CBLIF: variants seen among roughly 807,000 people sequenced by gnomAD.
CBLIF encodes the protein gastric intrinsic factor (vitamin B synthesis).
Under a neutral mutation model 44.9 loss-of-function variants are expected in CBLIF, and 24 were observed. That is an observed-to-expected ratio of 0.53 (90% CI 0.39 to 0.75). CBLIF has a LOEUF of 0.75. CBLIF is among the 30% of genes least tolerant of loss of function. The pLI, the probability that CBLIF is intolerant of heterozygous loss-of-function variation, is 0.00. For synonymous variants in CBLIF, 183 were observed against 190.9 expected (o/e 0.96, Z 0.34); for missense variants, 481 against 513.0 (o/e 0.94, Z 0.60).
At chr11:59,830,337 T>C (rs182805863) in intron 8 of CBLIF, among the ~76,000 whole-genome samples, 74 of 150,580 alleles carry the variant, frequency 4.9e-4, no homozygotes, top group Admixed American at 1.3e-3. Context: ...CCTGGGTTCA[T>C]GCCATTCACC....
Position 59,839,453 on chromosome 11 carries a change from T to C in CBLIF, c.693+1690A>G, listed in dbSNP as rs1407514186. Among the ~76,000 whole-genome samples, 3 of 152,234 alleles carry C rather than the reference T, an allele frequency of 2.0e-5. No individual in the cohort carries two copies. The East Asian group carries it at 5.8e-4, about 29-fold the overall frequency. On this transcript the variant is annotated intron_variant, in intron 5 of 8. Transcript: ENST00000257248. ...TTTATTTAACCTAATTGCAACCTTA[T>C]TATTATGGGGAAAATAAAATCTGGG...
Position 59,845,486 on chromosome 11 carries a change from G to C in CBLIF, c.-33C>G, listed in dbSNP as rs1223613160. The C allele has an allele frequency of 1.5e-6, 2 of 1,372,248 alleles. No individual in the cohort carries two copies. The highest frequency in any genetic ancestry group is 2.1e-6 in the Non-Finnish European group (2 of 960,172). 85.0% of individuals were successfully genotyped at this position (1,372,248 alleles called of 1,614,324 possible). A position where few individuals can be genotyped will look rare whatever the true frequency, so the allele number is the denominator to read the frequency against. On this transcript the variant is annotated 5_prime_UTR_variant, in exon 1 of 9. Transcript: ENST00000257248. ...TCTCGTCTATGTCTCTCATCCACAG[G>C]TACCGCGATTTGCAAGTGGAATATT... is the stretch of plus-strand genomic sequence containing the variant.
chr11:59,838,261 G>T (rs144082061), intron 5 of CBLIF, among the ~76,000 whole-genome samples: 188 of 152,214 alleles, frequency 1.2e-3, no homozygotes, highest in African/African-American at 3.8e-3. Flanking sequence ...ATTTTGCTGC[G>T]TTATCTATCG....
intron 5 of CBLIF, among the ~76,000 whole-genome samples, chr11:59,838,573 C>T (rs1409628278): frequency 6.6e-6 from 1 of 152,136 alleles, no homozygotes. Context: ...CAGGGACAAC[C>T]ATCACTGAAC....
At chr11:59,831,437 T>C (rs1866372248) in intron 8 of CBLIF, 1 of 186,218 alleles carries the variant, frequency 5.4e-6, no homozygotes, top group African/African-American at 2.3e-5. Flanking sequence ...GTGAAAAGTA[T>C]TATCGCTGCC....
rs1376877711 is a variant in CBLIF at position 59,835,962 on chromosome 11, T to G, written c.919A>C (p.Thr307Pro). 6.2e-7 allele frequency: 1 copy of G among 1,614,090 alleles called. No homozygotes were observed. The highest frequency in any genetic ancestry group is 1.1e-5 in the South Asian group (1 of 91,078). ...ATGACAGTGATGTTAGATGCAGAGG[T>G]GGGGCCAGGGCCAGGGTTGCTGGGT... ...TLPSNPGPGP[T>P]SASNITVIYT... is the part of the protein sequence containing the mutation. The change falls in exon 7 of 9, where the codon ACC (threonine) becomes CCC (proline). Residue 307 changes from threonine to proline, a missense_variant. Coordinates refer to ENST00000257248, the MANE Select transcript of CBLIF (RefSeq NM_005142.3).
Position 59,842,519 on chromosome 11 carries a change from C to G in CBLIF, c.435G>C (p.Lys145Asn). ...PSLAILALCQKNSEATLPIAV... is the reference protein window; with the variant it reads ...PSLAILALCQNNSEATLPIAV... Reference sequence around the variant, plus strand: ...CTATCGGCAAGGTCGCCTCAGAGTTCTTCTGGCACAGTGCCAAGATCGCTA... The same window carrying G: ...CTATCGGCAAGGTCGCCTCAGAGTTGTTCTGGCACAGTGCCAAGATCGCTA... Residue 145 changes from lysine to asparagine, a missense_variant, in exon 4 of 9, where the codon AAG (lysine) becomes AAC (asparagine). By Grantham distance (94) the Lys-to-Asn change is moderately conservative (BLOSUM62 0). Coordinates refer to ENST00000257248, the MANE Select transcript of CBLIF (RefSeq NM_005142.3). 1 of 1,607,220 alleles carries G rather than the reference C, an allele frequency of 6.2e-7. No individual in the cohort carries two copies. The highest frequency in any genetic ancestry group is 8.5e-7 in the Non-Finnish European group (1 of 1,173,834).
chr11:59,840,463 C>A (rs1866508931), intron 5 of CBLIF, among the ~76,000 whole-genome samples: 1 of 152,150 alleles, frequency 6.6e-6, no homozygotes, highest in Non-Finnish European at 1.5e-5. Context: ...GTGCATCTGT[C>A]TTCTATGGAG....
rs769669334 is a variant in CBLIF at position 59,831,798 on chromosome 11, TA to T, written c.1074-3del. ...CAAGATGTCATTGTGGTTTCAAATC[TA>T]AAAAAAAGTTTATATATGATTAACA... On this transcript the variant is annotated splice_polypyrimidine_tract_variant and splice_region_variant and intron_variant, in intron 7 of 8. Coordinates refer to ENST00000257248, the MANE Select transcript of CBLIF (RefSeq NM_005142.3). 94 of 1,450,552 alleles carry T rather than the reference TA, an allele frequency of 6.5e-5. No homozygotes were observed. Among genetic ancestry groups the T allele is most frequent in the Non-Finnish European group, 8.8e-5 (91 of 1,031,120 alleles). 89.9% of individuals were successfully genotyped at this position (1,450,552 alleles called of 1,614,324 possible). A position where few individuals can be genotyped will look rare whatever the true frequency, so the allele number is the denominator to read the frequency against.
rs1217612334 is a variant in CBLIF, at chr11:59,838,848, C to CTT, written c.694-1499_694-1498dup. 6.4e-4 allele frequency among the ~76,000 whole-genome samples: 84 copies of CTT among 130,524 alleles called. 1 individual carries two copies. The highest frequency in any genetic ancestry group is 1.0e-3 in the Admixed American group (13 of 12,680). 85.6% of individuals were successfully genotyped at this position (130,524 alleles called of 152,430 possible). Reference sequence around the variant, plus strand: ...AGTTCTCTTTTTCTTTTCTTTCTTTCTTTTTTTTTTTTTTTTTTGAGATGG... The same window carrying CTT: ...AGTTCTCTTTTTCTTTTCTTTCTTTCTTTTTTTTTTTTTTTTTTTTGAGATGG... On this transcript the variant is annotated intron_variant, in intron 5 of 8. Transcript: ENST00000257248.
intron 7 of CBLIF, 68 bp downstream of exon 7, chr11:59,835,740 G>T: frequency 7.9e-7 from 1 of 1,258,780 alleles, no homozygotes; most frequent in Non-Finnish European, 1.2e-6. Flanking sequence ...TAGGAAAACA[G>T]GATGGATAAA....
chr11:59,830,325 C>T (rs916947860), intron 8 of CBLIF, among the ~76,000 whole-genome samples: 4 of 150,996 alleles, frequency 2.6e-5, no homozygotes, highest in Non-Finnish European at 4.4e-5. Flanking sequence ...CAAGCTTCGC[C>T]TCCTGGGTTC....
Position 59,841,146 on chromosome 11 carries a change from C to A in CBLIF, c.690G>T (p.Met230Ile). 6.2e-7 allele frequency: 1 copy of A among 1,611,578 alleles called. No homozygotes were observed. The highest frequency in any genetic ancestry group is 8.5e-7 in the Non-Finnish European group (1 of 1,177,624). Reference sequence around the variant, plus strand: ...AGAGCATCCAGCACGTGTTTACCTGCATGGCGAGGCCAGTACTGTAGATGT... The same window carrying A: ...AGAGCATCCAGCACGTGTTTACCTGAATGGCGAGGCCAGTACTGTAGATGT... ...IGDIYSTGLA[M>I]QALSVTPEPS... Residue 230 changes from methionine (M) to isoleucine (I), a missense_variant, in exon 5 of 9, where the codon ATG becomes ATT. Coordinates refer to ENST00000257248, the MANE Select transcript of CBLIF (RefSeq NM_005142.3).
In CBLIF at chr11:59,835,843, GACA is replaced by G. The variant is rs762845250; in HGVS notation, c.1035_1037del (p.Val346del). ...GATTTTTGCGCTGTGCTTCCTCTAGGACAACAAGTAACACTGACCCACTTTTCA... is the reference window on the plus strand; with the variant it reads ...GATTTTTGCGCTGTGCTTCCTCTAGGACAAGTAACACTGACCCACTTTTCA... On this transcript the variant is annotated inframe_deletion, in exon 7 of 9. Coordinates refer to ENST00000257248, the MANE Select transcript of CBLIF (RefSeq NM_005142.3). The G allele has an allele frequency of 9.9e-6, 16 of 1,614,028 alleles. No homozygotes were observed. The highest frequency in any genetic ancestry group is 1.3e-5 in the African/African-American group (1 of 75,030).
chr11:59,838,537 C>T (rs925803332), intron 5 of CBLIF, among the ~76,000 whole-genome samples: 1 of 152,088 alleles, frequency 6.6e-6, no homozygotes, highest in African/African-American at 2.4e-5. Flanking sequence ...CAGCTAGGGT[C>T]AGTATGCACA....
Position 59,840,566 on chromosome 11 carries a change from A to G in CBLIF, c.693+577T>C, listed in dbSNP as rs373387223. Among the ~76,000 whole-genome samples, 9 of 152,346 alleles carry G rather than the reference A, an allele frequency of 5.9e-5. No individual in the cohort carries two copies. The East Asian group carries it at 1.2e-3, about 20-fold the overall frequency. ...TTACAGAATCCAAGCCTGGGAATGC[A>G]TGCTGTGAAAGCACAGAATTGAATA... On this transcript the variant is annotated intron_variant, in intron 5 of 8. Coordinates refer to ENST00000257248, the MANE Select transcript of CBLIF (RefSeq NM_005142.3).
Position 59,838,849 on chromosome 11 carries a change from T to A in CBLIF, c.694-1498A>T, listed in dbSNP as rs558372732. On this transcript the variant is annotated intron_variant, in intron 5 of 8. Coordinates refer to ENST00000257248, the MANE Select transcript of CBLIF (RefSeq NM_005142.3). Reference sequence around the variant, plus strand: ...GTTCTCTTTTTCTTTTCTTTCTTTCTTTTTTTTTTTTTTTTTTGAGATGGA... The same window carrying A: ...GTTCTCTTTTTCTTTTCTTTCTTTCATTTTTTTTTTTTTTTTTGAGATGGA... Among the ~76,000 whole-genome samples, 14 of 98,808 alleles carry A rather than the reference T, an allele frequency of 1.4e-4. No homozygotes were observed. In the East Asian group the frequency reaches 2.5e-3, roughly 18 times the overall value. The allele number at this position is 98,808 out of a possible 152,430, so 64.8% of individuals were successfully genotyped here. A position where few individuals can be genotyped will look rare whatever the true frequency, so the allele number is the denominator to read the frequency against.
At chr11:59,845,171 C>G (rs1866588626) in intron 1 of CBLIF, 2 of 656,742 alleles carry the variant, frequency 3.0e-6, no homozygotes, top group Non-Finnish European at 5.3e-6. Context: ...CCCCATCTCT[C>G]TTAATAAAAA....
intron 8 of CBLIF, among the ~76,000 whole-genome samples, chr11:59,830,484 G>T (rs187230590): frequency 2.0e-5 from 3 of 151,812 alleles, no homozygotes; most frequent in Admixed American, 1.3e-4. Context: ...TGATCCGTCC[G>T]CCTTGGCCTC....
Sources: gnomAD v4.1 joint callset for allele counts (sites outside exome capture counted in the v4.1 genomes callset) on GRCh38, gnomAD v4.1.1 for gene constraint, MANE v1.5 for transcripts, NCBI Gene and HGNC (gene_info 2026-07-23, HGNC 2026-07-21) for gene names.